The following ZDHHC15 variants were observed in gnomAD, a reference collection of about 807,000 sequenced individuals.
ZDHHC15 encodes palmitoyltransferase ZDHHC15.
In ZDHHC15, 19 loss-of-function variants were observed where a neutral mutation model predicts 31.7. The observed-to-expected ratio is 0.60, with a 90% CI of 0.42 to 0.88. The LOEUF (loss-of-function observed/expected upper bound fraction) is 0.88. ZDHHC15 is among the 40% of genes least tolerant of loss of function. The pLI is 0.00. For missense variants in ZDHHC15, 209 were observed against 251.2 expected (o/e 0.83, Z 1.14); for synonymous variants, 103 against 90.0 (o/e 1.14, Z -0.82).
chrX:75,373,792 C>T (rs1015699767), intron 11 of ZDHHC15, among the ~76,000 whole-genome samples: 1 of 110,719 alleles, frequency 9.0e-6, no homozygotes, highest in Non-Finnish European at 1.9e-5. Context: ...TATCCATCAC[C>T]TCAAGCATTT....
intron 9 of ZDHHC15, among the ~76,000 whole-genome samples, chrX:75,418,965 A>G: frequency 8.9e-6 from 1 of 112,575 alleles, no homozygotes; most frequent in East Asian, 2.8e-4. Context: ...ATGGGATTTG[A>G]TTATACTAAA....
chrX:75,418,406 T>C lies in ZDHHC15; in HGVS notation c.864-1216A>G, dbSNP rs183659456. ...CTGAAAAGTGGCTGCAAGAAGGCTA[T>C]AAGCAAGCTCTGCTCTAGAACTAGT... On this transcript the variant is annotated intron_variant, in intron 9 of 11. Transcript: ENST00000373367. Among the ~76,000 whole-genome samples the C allele has an allele frequency of 4.5e-5, 5 of 112,036 alleles. No individual in the cohort carries two copies. The East Asian group carries it at 1.4e-3, about 32-fold the overall frequency.
At chrX:75,375,961 G>C (rs1169808649) in intron 11 of ZDHHC15, among the ~76,000 whole-genome samples, 1 of 111,732 alleles carries the variant, frequency 8.9e-6, no homozygotes, top group Non-Finnish European at 1.9e-5. Context: ...GCAGTTCTAA[G>C]TGTTTTTGAG....
chrX:75,475,089 A>T (rs913841456), intron 3 of ZDHHC15, among the ~76,000 whole-genome samples: 4 of 111,395 alleles, frequency 3.6e-5, no homozygotes, highest in Admixed American at 1.9e-4. Context: ...AAAAATAAAT[A>T]AAAAAAAGTT....
chrX:75,490,653 C>G (rs2148008211), intron 2 of ZDHHC15, among the ~76,000 whole-genome samples: 1 of 111,244 alleles, frequency 9.0e-6, no homozygotes, highest in Middle Eastern at 4.6e-3. Context: ...TGTTTGTATC[C>G]TCTTTTATTT....
chrX:75,496,713 C>G (rs1305348337), intron 2 of ZDHHC15, among the ~76,000 whole-genome samples: 1 of 111,498 alleles, frequency 9.0e-6, no homozygotes, highest in Non-Finnish European at 1.9e-5. Flanking sequence ...ACCTTCAAAA[C>G]TATACACATA....
At chrX:75,499,757 C>A (rs6647137) in intron 2 of ZDHHC15, among the ~76,000 whole-genome samples, 20,191 of 111,115 alleles carry the variant, frequency 0.18, 1,967 homozygotes, top group East Asian at 0.86. Flanking sequence ...CCATTTGACT[C>A]AGCAATCCCA....
chrX:75,445,246 T>A (rs756602460), intron 4 of ZDHHC15, among the ~76,000 whole-genome samples: 15 of 111,720 alleles, frequency 1.3e-4, no homozygotes, highest in Non-Finnish European at 2.3e-4. Context: ...CTGAATTGGT[T>A]CTGAAGTTTC....
chrX:75,502,517 C>A (rs1195759566), intron 2 of ZDHHC15, among the ~76,000 whole-genome samples: 1 of 111,660 alleles, frequency 9.0e-6, no homozygotes. Flanking sequence ...GTATGCAAAC[C>A]ATTTAAAATG....
intron 9 of ZDHHC15, among the ~76,000 whole-genome samples, chrX:75,418,888 T>C (rs1267523813): frequency 1.8e-5 from 2 of 112,024 alleles, no homozygotes; most frequent in African/African-American, 3.2e-5. Context: ...ATTCAGGACA[T>C]AGACATGGGC....
intron 3 of ZDHHC15, among the ~76,000 whole-genome samples, chrX:75,477,615 C>T (rs752770662): frequency 5.4e-5 from 6 of 111,701 alleles, no homozygotes; most frequent in South Asian, 3.7e-4. Flanking sequence ...TGTCCTTCTT[C>T]GTCTCTTGTA....
chrX:75,460,270 C>T lies in ZDHHC15; in HGVS notation c.259-9348G>A, dbSNP rs752398887. ...GCCACTCCACCTAGGCTTATAGGGACAGAGCTCTGAACTTTCCCTGGGATG... is the reference window on the plus strand; with the variant it reads ...GCCACTCCACCTAGGCTTATAGGGATAGAGCTCTGAACTTTCCCTGGGATG... On this transcript the variant is annotated intron_variant, in intron 3 of 11. Transcript: ENST00000373367. Among the ~76,000 whole-genome samples, 6 of 111,420 alleles carry T rather than the reference C, an allele frequency of 5.4e-5. No individual in the cohort carries two copies. In the East Asian group the frequency reaches 1.7e-3, roughly 32 times the overall value.
chrX:75,455,497 C>A (rs898290979), intron 3 of ZDHHC15, among the ~76,000 whole-genome samples: 1 of 111,864 alleles, frequency 8.9e-6, no homozygotes, highest in Non-Finnish European at 1.9e-5. Flanking sequence ...GCAATGGAAA[C>A]AAAAGCCAAA....
chrX:75,374,223 G>A (rs2083033786), intron 11 of ZDHHC15, among the ~76,000 whole-genome samples: 1 of 109,218 alleles, frequency 9.2e-6, no homozygotes, highest in Admixed American at 9.9e-5. Context: ...ACACACCGGG[G>A]CCTGTCGGGG....
intron 2 of ZDHHC15, among the ~76,000 whole-genome samples, chrX:75,497,960 T>C (rs1371836154): frequency 9.9e-6 from 1 of 101,480 alleles, no homozygotes; most frequent in Admixed American, 1.1e-4. Context: ...TGAGACAGTG[T>C]TTTGCTCTTG....
rs920182111 is a variant in ZDHHC15 at position 75,522,833 on chromosome X, G to C, written c.136+56C>G. On this transcript the variant is annotated intron_variant, in intron 1 of 11. Coordinates refer to ENST00000373367, the MANE Select transcript of ZDHHC15 (RefSeq NM_144969.3). ...CAAGGGACACCAGTGTGAAGGTAGG[G>C]CAAACGATTATATTGGAGTATAATT... 21 of 1,196,498 alleles carry C rather than the reference G, an allele frequency of 1.8e-5. No individual in the cohort carries two copies. In the Admixed American group the frequency reaches 4.4e-4, roughly 25 times the overall value.
chrX:75,514,461 C>T (rs1034325749), intron 1 of ZDHHC15, among the ~76,000 whole-genome samples: 4 of 111,878 alleles, frequency 3.6e-5, no homozygotes, highest in African/African-American at 1.3e-4. Flanking sequence ...CAGTCTACAG[C>T]TCCCAGCGTG....
chrX:75,425,708 A>C (rs1602604648), intron 7 of ZDHHC15, among the ~76,000 whole-genome samples: 1 of 112,062 alleles, frequency 8.9e-6, no homozygotes, highest in East Asian at 2.8e-4. Context: ...CTAGTAATAA[A>C]GTTAAATGTG....
intron 11 of ZDHHC15, among the ~76,000 whole-genome samples, chrX:75,375,138 C>T (rs961423888): frequency 2.7e-5 from 3 of 111,490 alleles, no homozygotes; most frequent in African/African-American, 6.5e-5. Flanking sequence ...TGTTTTTATA[C>T]GTGTTTCCAA....
Sources: gnomAD v4.1 joint callset for allele counts (sites outside exome capture counted in the v4.1 genomes callset) on GRCh38, gnomAD v4.1.1 for gene constraint, MANE v1.5 for transcripts, NCBI Gene and HGNC (gene_info 2026-07-23, HGNC 2026-07-21) for gene names.